Variants in XIRP2 observed in about 807,000 individuals in gnomAD.
The protein encoded by XIRP2 is xin actin-binding repeat-containing protein 2.
XIRP2 carries 236 observed loss-of-function variants against 277.0 expected under a neutral mutation model. That is an observed-to-expected ratio of 0.85 (90% CI 0.77 to 0.95). The LOEUF (loss-of-function observed/expected upper bound fraction) is 0.95. XIRP2 is among the 40% of genes least tolerant of loss of function. The pLI, the probability that XIRP2 is intolerant of heterozygous loss-of-function variation, is 0.00. For missense variants in XIRP2, 4,640 were observed against 4,157.5 expected (o/e 1.12, Z -3.19); for synonymous variants, 1,490 against 1,416.5 (o/e 1.05, Z -1.17).
intron 2 of XIRP2, among the ~76,000 whole-genome samples, chr2:167,019,657 C>A (rs1285229189): frequency 6.6e-6 from 1 of 152,024 alleles, no homozygotes; most frequent in African/African-American, 2.4e-5. Flanking sequence ...CATTGTTTTA[C>A]TGAGAAGTGG....
At chr2:167,222,173 A>G (rs1694453665) in intron 5 of XIRP2, among the ~76,000 whole-genome samples, 2 of 152,224 alleles carry the variant, frequency 1.3e-5, no homozygotes, top group South Asian at 2.1e-4. Flanking sequence ...GGGGTGCACA[A>G]TATAAGAACA....
At chr2:167,231,406 A>T (rs973651283) in intron 5 of XIRP2, among the ~76,000 whole-genome samples, 1 of 151,884 alleles carries the variant, frequency 6.6e-6, no homozygotes, top group Non-Finnish European at 1.5e-5. Flanking sequence ...AATAAGCCCA[A>T]ATCAGTTTTT....
chr2:167,040,668 G>T (rs1225766355), intron 2 of XIRP2, among the ~76,000 whole-genome samples: 1 of 152,140 alleles, frequency 6.6e-6, no homozygotes, highest in Non-Finnish European at 1.5e-5. Context: ...GTTGGTCAGG[G>T]CACGGCTATC....
In XIRP2 at chr2:167,243,658, A is replaced by G; in HGVS notation, c.2266A>G (p.Thr756Ala). The G allele has an allele frequency of 6.2e-7, 1 of 1,613,972 alleles. No individual in the cohort carries two copies. Among genetic ancestry groups the G allele is most frequent in the Non-Finnish European group, 8.5e-7 (1 of 1,179,962 alleles). ...DGSGQMLEIKTVHREDVEKGD... is the reference protein window; with the variant it reads ...DGSGQMLEIKAVHREDVEKGD... ...TTCGGGCCAAATGCTGGAAATTAAA[A>G]CTGTTCACAGAGAAGACGTTGAAAA... is the stretch of plus-strand genomic sequence containing the variant. Residue 756 changes from threonine (T) to alanine (A), a missense_variant, in exon 9 of 11, where the codon ACT (threonine) becomes GCT (alanine). By Grantham distance (58) the Thr-to-Ala change is moderately conservative. Coordinates refer to ENST00000409195, the MANE Select transcript of XIRP2 (RefSeq NM_152381.6).
intron 2 of XIRP2, among the ~76,000 whole-genome samples, chr2:167,042,477 G>A (rs1483701086): frequency 6.6e-6 from 1 of 152,040 alleles, no homozygotes; most frequent in East Asian, 1.9e-4. Context: ...TAGGCTCAAA[G>A]TAAAGGGATG....
intron 2 of XIRP2, among the ~76,000 whole-genome samples, chr2:167,126,000 A>G (rs115790677): frequency 0.023 from 3,427 of 152,272 alleles, 49 homozygotes; most frequent in East Asian, 0.05. Context: ...TTGGGGCCAC[A>G]GAATGGAGCA....
At chr2:166,939,574 GGA>G (rs1184482746) in intron 2 of XIRP2, among the ~76,000 whole-genome samples, 1 of 151,028 alleles carries the variant, frequency 6.6e-6, no homozygotes, top group East Asian at 2.0e-4. Flanking sequence ...CAGCTACTCG[GGA>G]GGCTGGGGCA....
intron 1 of XIRP2, among the ~76,000 whole-genome samples, chr2:166,897,502 A>C (rs1340192772): frequency 6.6e-6 from 1 of 152,170 alleles, no homozygotes; most frequent in Non-Finnish European, 1.5e-5. Context: ...AAAGTATTGT[A>C]GCAGTCGGGG....
chr2:166,997,942 C>T lies in XIRP2; in HGVS notation c.408+94052C>T, dbSNP rs149651386. On this transcript the variant is annotated intron_variant, in intron 2 of 10. Coordinates refer to ENST00000409195, the MANE Select transcript of XIRP2 (RefSeq NM_152381.6). ...AAGAAGAAGAAGTTCAGTTGACTAA[C>T]GCTTACTGAGCGCCATTTTGGTTTA... 1.6e-3 allele frequency among the ~76,000 whole-genome samples: 245 copies of T among 151,586 alleles called. 1 individual carries two copies. The highest frequency in any genetic ancestry group is 5.5e-3 in the African/African-American group (226 of 41,354).
chr2:167,236,572 T>C (rs1289058807), intron 5 of XIRP2, among the ~76,000 whole-genome samples: 2 of 152,084 alleles, frequency 1.3e-5, no homozygotes, highest in Admixed American at 1.3e-4. Flanking sequence ...TCTCTTTTTC[T>C]TTCCTTTAAT....
intron 2 of XIRP2, among the ~76,000 whole-genome samples, chr2:166,948,852 G>A (rs866022318): frequency 1.3e-5 from 2 of 151,898 alleles, no homozygotes; most frequent in Admixed American, 6.6e-5. Flanking sequence ...TGAAAAACAC[G>A]GTTTTGTACA....
At chr2:166,888,611 T>C (rs2105321802) in intron 1 of XIRP2, 54 bp downstream of exon 1, 1 of 152,316 alleles carries the variant, frequency 6.6e-6, no homozygotes, top group South Asian at 2.1e-4. Flanking sequence ...TACACATACA[T>C]GCTTCTCTTT....
At chr2:167,115,281 C>G (rs1195610561) in intron 2 of XIRP2, among the ~76,000 whole-genome samples, 3 of 152,128 alleles carry the variant, frequency 2.0e-5, no homozygotes, top group African/African-American at 4.8e-5. Context: ...TCTTAGCTAC[C>G]TTGGATTGGG....
At chr2:167,032,880 G>T (rs1688404256) in intron 2 of XIRP2, among the ~76,000 whole-genome samples, 1 of 152,148 alleles carries the variant, frequency 6.6e-6, no homozygotes. Context: ...GTAGAAGACA[G>T]TGTGGCAACT....
chr2:167,075,017 T>C (rs1036081959), intron 2 of XIRP2, among the ~76,000 whole-genome samples: 24 of 152,192 alleles, frequency 1.6e-4, no homozygotes, highest in African/African-American at 5.5e-4. Context: ...AGCTGTAATA[T>C]GGAAATTCAA....
At chr2:166,910,122 C>T (rs906764397) in intron 2 of XIRP2, among the ~76,000 whole-genome samples, 1 of 152,130 alleles carries the variant, frequency 6.6e-6, no homozygotes, top group African/African-American at 2.4e-5. Context: ...TGATGCTGGC[C>T]TCATGAAATG....
At chr2:166,929,149 G>A (rs1685263472) in intron 2 of XIRP2, among the ~76,000 whole-genome samples, 1 of 151,318 alleles carries the variant, frequency 6.6e-6, no homozygotes, top group Admixed American at 6.6e-5. Flanking sequence ...GGGAACTCTG[G>A]GGAAGGGTGA....
chr2:167,071,597 G>T (rs1689439196), intron 2 of XIRP2, among the ~76,000 whole-genome samples: 1 of 152,106 alleles, frequency 6.6e-6, no homozygotes, highest in Admixed American at 6.5e-5. Context: ...ATAGGGTGGG[G>T]TCTGTCACAC....
At chr2:167,024,921 T>A (rs577241062) in intron 2 of XIRP2, among the ~76,000 whole-genome samples, 1 of 152,336 alleles carries the variant, frequency 6.6e-6, no homozygotes, top group Non-Finnish European at 1.5e-5. Flanking sequence ...TTCTCTTTTG[T>A]GGTTGTCTCT....
Sources: allele counts gnomAD v4.1 joint callset (sites outside exome capture counted in the v4.1 genomes callset), GRCh38; gene constraint gnomAD v4.1.1; transcripts MANE v1.5; gene names NCBI Gene and HGNC (gene_info 2026-07-23, HGNC 2026-07-21).